Variants in NXPE2 observed in about 807,000 individuals in gnomAD.
The protein encoded by NXPE2 is neurexophilin and PC-esterase domain family member 2.
A neutral mutation model predicts 34.4 loss-of-function variants in NXPE2; 34 were observed. The ratio of observed to expected loss-of-function variants is 0.99; its 90% CI spans 0.75 to 1.31. The LOEUF (loss-of-function observed/expected upper bound fraction) is 1.31. Ranked by LOEUF, NXPE2 falls within the 40% of genes most tolerant of loss-of-function variation. NXPE2 has a pLI of 0.00. For synonymous variants in NXPE2, 235 were observed against 231.3 expected, an observed-to-expected ratio of 1.02 and a Z score of -0.15; for missense variants, 649 against 672.5, an observed-to-expected ratio of 0.97 and a Z score of 0.39.
the NXPE2 span, among the ~76,000 whole-genome samples, chr11:114,740,104 G>A: frequency 6.6e-6 from 1 of 152,132 alleles, no homozygotes. Context: ...ATTAGACCGT[G>A]TAAGAAATCG....
chr11:114,697,904 A>G lies in NXPE2; in HGVS notation c.133-141A>G, dbSNP rs1038698690. ...CATGGAAACCATTTCTGAAGATTCC[A>G]TAACTGAAAACCAGTTAGTATCGAT... On this transcript the variant is annotated intron_variant, in intron 2 of 5. Transcript: ENST00000389586. The G allele has an allele frequency of 7.3e-6, 6 of 819,032 alleles. No individual in the cohort carries two copies. The African/African-American group carries it at 8.7e-5, about 12-fold the overall frequency. The allele number at this position is 819,032 out of a possible 1,614,324, so 50.7% of individuals were successfully genotyped here.
chr11:114,758,119 G>A, the NXPE2 span, among the ~76,000 whole-genome samples: 6 of 152,242 alleles, frequency 3.9e-5, 1 homozygote, highest in South Asian at 4.2e-4. Context: ...ATATTTGTGA[G>A]CAGATTCTGG....
chr11:114,629,577 A>G, the NXPE2 span, among the ~76,000 whole-genome samples: 1 of 151,958 alleles, frequency 6.6e-6, no homozygotes, highest in Non-Finnish European at 1.5e-5. Flanking sequence ...TTGAATGGGC[A>G]AAAACTGGAA....
the NXPE2 span, among the ~76,000 whole-genome samples, chr11:114,747,138 C>T: frequency 6.6e-6 from 1 of 152,158 alleles, no homozygotes; most frequent in African/African-American, 2.4e-5. Flanking sequence ...AATTGAGTGT[C>T]TCTATAGGAT....
the NXPE2 span, among the ~76,000 whole-genome samples, chr11:114,510,652 A>T: frequency 6.6e-6 from 1 of 152,220 alleles, no homozygotes; most frequent in Non-Finnish European, 1.5e-5. Flanking sequence ...GAAAGCAATC[A>T]TTGCCAACAG....
In NXPE2 at chr11:114,704,040, A is replaced by T. The variant is rs1951424477; in HGVS notation, c.916A>T (p.Ile306Leu). ...MMKNFTPIEV[I>L]PCNKSENIKK... ...GAAGAACTTTACCCCCATTGAGGTC[A>T]TACCATGCAACAGTAAGTCTGGAGT... The change falls in exon 4 of 6, where the codon ATA (isoleucine) becomes TTA (leucine). Residue 306 changes from isoleucine to leucine, a missense_variant. Coordinates refer to ENST00000389586, the MANE Select transcript of NXPE2 (RefSeq NM_182495.6). 6.4e-7 allele frequency: 1 copy of T among 1,551,248 alleles called. No homozygotes were observed. The highest frequency in any genetic ancestry group is 2.0e-5 in the Admixed American group (1 of 50,980).
chr11:114,569,680 T>C, the NXPE2 span, among the ~76,000 whole-genome samples: 1 of 152,166 alleles, frequency 6.6e-6, no homozygotes, highest in African/African-American at 2.4e-5. Flanking sequence ...CTGGCCGTAG[T>C]GTAGTGGTGT....
At chr11:114,554,319 C>A in the NXPE2 span, 25 of 984,852 alleles carry the variant, frequency 2.5e-5, no homozygotes, top group Non-Finnish European at 3.0e-5. Context: ...CATACCTCCT[C>A]CAGGTTCTCT....
chr11:114,622,668 G>A, the NXPE2 span, among the ~76,000 whole-genome samples: 2 of 152,034 alleles, frequency 1.3e-5, no homozygotes, highest in Non-Finnish European at 2.9e-5. Flanking sequence ...GTTACCCGGT[G>A]GATAATAAAT....
At chr11:114,667,653 C>T in the NXPE2 span, among the ~76,000 whole-genome samples, 15 of 152,214 alleles carry the variant, frequency 9.9e-5, no homozygotes, top group South Asian at 6.2e-4. Flanking sequence ...ATCATGAGTA[C>T]GCTCAACAGT....
chr11:114,625,137 T>C, the NXPE2 span, among the ~76,000 whole-genome samples: 1 of 152,172 alleles, frequency 6.6e-6, no homozygotes, highest in East Asian at 1.9e-4. Flanking sequence ...TTCTAATGAC[T>C]GGATAATAAG....
the NXPE2 span, among the ~76,000 whole-genome samples, chr11:114,566,482 G>T: frequency 6.6e-6 from 1 of 152,160 alleles, no homozygotes. Flanking sequence ...AGGCTGAGTT[G>T]GATGAAGACA....
the NXPE2 span, among the ~76,000 whole-genome samples, chr11:114,570,020 C>G: frequency 6.6e-6 from 1 of 152,126 alleles, no homozygotes; most frequent in Non-Finnish European, 1.5e-5. Context: ...GTTGCAAGAC[C>G]TGTTTCTCTC....
rs1951273091 is a variant in NXPE2, at chr11:114,697,138, G to C, written c.133-907G>C. 2.6e-5 allele frequency among the ~76,000 whole-genome samples: 4 copies of C among 152,162 alleles called. No individual in the cohort carries two copies. The South Asian group carries it at 8.3e-4, about 32-fold the overall frequency. ...ATGGGTAACTAAAATCATGAATAAG[G>C]ACGTGCCACTATATTTAGAAAAACA... is the stretch of plus-strand genomic sequence containing the variant. On this transcript the variant is annotated intron_variant, in intron 2 of 5. Coordinates refer to ENST00000389586, the MANE Select transcript of NXPE2 (RefSeq NM_182495.6).
chr11:114,679,546 C>T (rs942049752), intron 1 of NXPE2, 111 bp from the exon 2 acceptor site: 9 of 592,398 alleles, frequency 1.5e-5, no homozygotes, highest in Non-Finnish European at 2.3e-5. Flanking sequence ...TTTGGAAAAC[C>T]CAGGATAACA....
At chr11:114,810,741 G>A in the NXPE2 span, among the ~76,000 whole-genome samples, 1 of 152,140 alleles carries the variant, frequency 6.6e-6, no homozygotes, top group African/African-American at 2.4e-5. Context: ...TTGTTGGTGG[G>A]ACTATAAACT....
At chr11:114,733,604 C>A in the NXPE2 span, among the ~76,000 whole-genome samples, 1 of 152,098 alleles carries the variant, frequency 6.6e-6, no homozygotes, top group East Asian at 1.9e-4. Context: ...TAATACATTG[C>A]CCTTCCTTTC....
At chr11:114,665,991 C>T in the NXPE2 span, among the ~76,000 whole-genome samples, 2 of 152,088 alleles carry the variant, frequency 1.3e-5, no homozygotes, top group South Asian at 4.1e-4. Flanking sequence ...GGAGTTGAAT[C>T]TACAGGTTTC....
the NXPE2 span, among the ~76,000 whole-genome samples, chr11:114,498,743 T>C: frequency 1.3e-5 from 2 of 152,124 alleles, no homozygotes; most frequent in African/African-American, 4.8e-5. Context: ...TTATTTTTAA[T>C]CTTCAGAGGT....
Sources: gnomAD v4.1 joint callset for allele counts (sites outside exome capture counted in the v4.1 genomes callset) on GRCh38, gnomAD v4.1.1 for gene constraint, MANE v1.5 for transcripts, NCBI Gene and HGNC (gene_info 2026-07-23, HGNC 2026-07-21) for gene names.